Variants in RCOR1 observed in about 807,000 individuals in gnomAD.
The protein encoded by RCOR1 is REST corepressor.
A neutral mutation model predicts 64.0 loss-of-function variants in RCOR1; 12 were observed. The observed-to-expected ratio is 0.19, with a 90% CI of 0.12 to 0.30. The LOEUF (loss-of-function observed/expected upper bound fraction) is 0.30, where lower values mean the gene tolerates loss of function less well. Ranked by LOEUF, RCOR1 falls within the 10% of genes least tolerant of loss-of-function variation. The probability of loss-of-function intolerance (pLI) is 1.00; values close to 1 mark genes in which losing one functional copy is unlikely to be tolerated. For synonymous variants in RCOR1, 279 were observed against 227.2 expected, an observed-to-expected ratio of 1.23 and a Z score of -2.05; for missense variants, 502 against 621.2, an observed-to-expected ratio of 0.81 and a Z score of 2.04.
chr14:102,687,400 T>G (rs1195275282), intron 3 of RCOR1, among the ~76,000 whole-genome samples: 2 of 152,236 alleles, frequency 1.3e-5, no homozygotes, highest in African/African-American at 4.8e-5. Flanking sequence ...GCTGCTTCAT[T>G]TAATAAACTG....
At chr14:102,657,262 C>G (rs1228000410) in intron 2 of RCOR1, 1 of 985,102 alleles carries the variant, frequency 1.0e-6, no homozygotes, top group African/African-American at 1.7e-5. Flanking sequence ...TTAGGATTTC[C>G]CACCTGTATG....
intron 3 of RCOR1, among the ~76,000 whole-genome samples, chr14:102,700,567 CTA>C (rs1410569870): frequency 2.0e-5 from 3 of 152,176 alleles, no homozygotes; most frequent in Non-Finnish European, 4.4e-5. Context: ...CAGGATTTCA[CTA>C]TGTTATCCAG....
In RCOR1 at chr14:102,657,288, T is replaced by A. The variant is rs1446554551; in HGVS notation, c.362-24607T>A. ...CACCTGTATGTATGCTTTTGGTGAG[T>A]CCTTTTAGGCGATATGTCCTCATGT... On this transcript the variant is annotated intron_variant, in intron 2 of 11. Transcript: ENST00000262241. The A allele has an allele frequency of 3.0e-6, 3 of 985,220 alleles. No homozygotes were observed. In the African/African-American group the frequency reaches 5.2e-5, roughly 17 times the overall value. The allele number at this position is 985,220 out of a possible 1,614,324, so 61.0% of individuals were successfully genotyped here. A position where few individuals can be genotyped will look rare whatever the true frequency, so the allele number is the denominator to read the frequency against.
chr14:102,708,391 C>A, intron 5 of RCOR1, 74 bp from the exon 6 acceptor site: 2 of 885,832 alleles, frequency 2.3e-6, no homozygotes, highest in Non-Finnish European at 3.7e-6. Flanking sequence ...TGAGCCGCTG[C>A]GCCCGGCCTT....
chr14:102,655,951 TCACACACACA>T (rs57847726), intron 2 of RCOR1: 184 of 872,556 alleles, frequency 2.1e-4, no homozygotes, highest in South Asian at 6.4e-4. Flanking sequence ...AGACTTTTTG[TCACACACACA>T]CACACACACA....
intron 2 of RCOR1, among the ~76,000 whole-genome samples, chr14:102,604,627 C>G (rs1162387076): frequency 1.3e-5 from 2 of 152,050 alleles, no homozygotes; most frequent in African/African-American, 4.8e-5. Flanking sequence ...CCGAGAGGCC[C>G]TCAGCTGTAA....
Position 102,728,149 on chromosome 14 carries a change from A to G in RCOR1, c.*1643A>G, listed in dbSNP as rs1409981444. 1.3e-5 allele frequency: 2 copies of G among 152,526 alleles called. No homozygotes were observed. The highest frequency in any genetic ancestry group is 2.9e-5 in the Non-Finnish European group (2 of 68,034). 9.4% of individuals were successfully genotyped at this position (152,526 alleles called of 1,614,324 possible). ...TCTTTAGAAAGAGGGTCAGCTAGAA[A>G]CCTAGGTTTTTTGGAATTGTAAATT... On this transcript the variant is annotated 3_prime_UTR_variant, in exon 12 of 12. Coordinates refer to ENST00000262241, the MANE Select transcript of RCOR1 (RefSeq NM_015156.4).
chr14:102,653,691 C>T (rs917665649), intron 2 of RCOR1, among the ~76,000 whole-genome samples: 1 of 151,912 alleles, frequency 6.6e-6, no homozygotes, highest in Non-Finnish European at 1.5e-5. Flanking sequence ...CTCGGGCGAT[C>T]GGGTCGTCTA....
At chr14:102,670,555 T>C (rs1488588272) in intron 2 of RCOR1, among the ~76,000 whole-genome samples, 1 of 151,950 alleles carries the variant, frequency 6.6e-6, no homozygotes, top group East Asian at 1.9e-4. Context: ...GCTTCAGTTT[T>C]CTTGTTCTGA....
intron 2 of RCOR1, among the ~76,000 whole-genome samples, chr14:102,599,852 G>A (rs1436199817): frequency 1.3e-5 from 2 of 149,118 alleles, no homozygotes; most frequent in South Asian, 4.3e-4. Flanking sequence ...ACACAGGCTA[G>A]AGTGCAGTGG....
intron 4 of RCOR1, among the ~76,000 whole-genome samples, chr14:102,704,384 C>CA (rs1424797340): frequency 6.6e-6 from 1 of 152,188 alleles, no homozygotes; most frequent in African/African-American, 2.4e-5. Context: ...TTTACTTTTA[C>CA]AAAAAATTGT....
intron 5 of RCOR1, 141 bp downstream of exon 5, chr14:102,707,653 A>C: frequency 1.4e-6 from 1 of 714,782 alleles, no homozygotes; most frequent in Non-Finnish European, 2.3e-6. Context: ...AGCTTAGTAC[A>C]TGCTGCTCTG....
intron 4 of RCOR1, among the ~76,000 whole-genome samples, chr14:102,704,109 G>A (rs1356955208): frequency 6.6e-6 from 1 of 152,228 alleles, no homozygotes; most frequent in Non-Finnish European, 1.5e-5. Context: ...TAGGGCTTTT[G>A]CCAGGGCTTG....
At chr14:102,709,348 C>T (rs891977768) in intron 6 of RCOR1, among the ~76,000 whole-genome samples, 2 of 152,112 alleles carry the variant, frequency 1.3e-5, no homozygotes, top group Non-Finnish European at 2.9e-5. Flanking sequence ...GCATGCAGAC[C>T]TAGTGGTTTC....
At chr14:102,663,340 C>A (rs922838176) in intron 2 of RCOR1, among the ~76,000 whole-genome samples, 1 of 152,226 alleles carries the variant, frequency 6.6e-6, no homozygotes, top group Non-Finnish European at 1.5e-5. Flanking sequence ...CAACTTCTCT[C>A]AACATTTCTA....
intron 2 of RCOR1, among the ~76,000 whole-genome samples, chr14:102,608,179 A>G (rs1893554650): frequency 6.6e-6 from 1 of 152,194 alleles, no homozygotes; most frequent in Non-Finnish European, 1.5e-5. Context: ...CCCTAAAAAG[A>G]AAATCTCACA....
intron 2 of RCOR1, among the ~76,000 whole-genome samples, chr14:102,600,027 G>A (rs147744104): frequency 6.6e-6 from 1 of 152,072 alleles, no homozygotes; most frequent in African/African-American, 2.4e-5. Context: ...CTCCCAAAGT[G>A]CTGGGATCAC....
Position 102,679,040 on chromosome 14 carries a change from A to G in RCOR1, c.362-2855A>G, listed in dbSNP as rs190158669. Among the ~76,000 whole-genome samples the G allele has an allele frequency of 1.8e-4, 27 of 152,346 alleles. No homozygotes were observed. In the East Asian group the frequency reaches 4.8e-3, roughly 27 times the overall value. Reference sequence around the variant, plus strand: ...TCTGGATAGAAGTCCTTTGTTGCATATGCGATATGCAAATATTTTCTTACA... The same window carrying G: ...TCTGGATAGAAGTCCTTTGTTGCATGTGCGATATGCAAATATTTTCTTACA... On this transcript the variant is annotated intron_variant, in intron 2 of 11. Transcript: ENST00000262241.
intron 2 of RCOR1, among the ~76,000 whole-genome samples, chr14:102,612,806 T>C (rs1465672962): frequency 6.6e-6 from 1 of 151,662 alleles, no homozygotes; most frequent in African/African-American, 2.4e-5. Flanking sequence ...TTGGGCAACA[T>C]AGCAAGACCT....
Sources: gnomAD v4.1 joint callset for allele counts (sites outside exome capture counted in the v4.1 genomes callset) on GRCh38, gnomAD v4.1.1 for gene constraint, MANE v1.5 for transcripts, NCBI Gene and HGNC (gene_info 2026-07-23, HGNC 2026-07-21) for gene names.